FOCAD: variants seen among roughly 807,000 people sequenced by gnomAD.
FOCAD encodes the protein KIAA1797.
FOCAD carries 198 observed loss-of-function variants against 225.6 expected under a neutral mutation model. The observed-to-expected ratio is 0.88, with a 90% confidence interval of 0.78 to 0.99. The LOEUF (loss-of-function observed/expected upper bound fraction) is 0.99. Among genes scored for constraint, FOCAD ranks in the 50% least tolerant of loss-of-function variants. The pLI is 0.00. For missense variants in FOCAD, 2,713 were observed against 2,123.6 expected, an observed-to-expected ratio of 1.28 and a Z score of -5.46; for synonymous variants, 897 against 755.0, an observed-to-expected ratio of 1.19 and a Z score of -3.08.
At position 20,691,802 on chromosome 9, in the gene FOCAD, C is replaced by G. The variant is rs549718399; in HGVS notation, c.-33+7509C>G. Among the ~76,000 whole-genome samples, 28 of 151,636 alleles carry G rather than the reference C, an allele frequency of 1.8e-4. 1 individual carries two copies. The highest frequency in any genetic ancestry group is 6.5e-4 in the African/African-American group (27 of 41,256). On this transcript the variant is annotated intron_variant, in intron 1 of 43. Coordinates refer to ENST00000338382, the MANE Select transcript of FOCAD (RefSeq NM_001375567.1). The stretch of plus-strand genomic sequence containing the variant: ...GCCAATTTATTTTTTGAGATGGAGT[C>G]TCCCTCTGTCACCCAGGCTGGAGTG...
intron 5 of FOCAD, among the ~76,000 whole-genome samples, chr9:20,741,539 A>G (rs1475459579): frequency 6.6e-6 from 1 of 152,148 alleles, no homozygotes; most frequent in Non-Finnish European, 1.5e-5. Flanking sequence ...AATATCTTCA[A>G]ACATACAAGT....
At position 20,711,711 on chromosome 9, in the gene FOCAD, A is replaced by G. The variant is rs1032465832; in HGVS notation, c.-32-3611A>G. Among the ~76,000 whole-genome samples, 5 of 152,190 alleles carry G rather than the reference A, an allele frequency of 3.3e-5. No homozygotes were observed. The East Asian group carries it at 5.8e-4, about 18-fold the overall frequency. On this transcript the variant is annotated intron_variant, in intron 1 of 43. Coordinates refer to ENST00000338382, the MANE Select transcript of FOCAD (RefSeq NM_001375567.1). Reference sequence around the variant, plus strand: ...TGAAGTGACAGTTTTTTGAAAGGAAATATGTGTTTTGTTTTTGATGTCCCT... The same window carrying G: ...TGAAGTGACAGTTTTTTGAAAGGAAGTATGTGTTTTGTTTTTGATGTCCCT...
chr9:20,885,113 T>C lies in FOCAD; in HGVS notation c.2508T>C (p.Gly836=). 1 of 1,444,342 alleles carries C rather than the reference T, an allele frequency of 6.9e-7. No homozygotes were observed. The highest frequency in any genetic ancestry group is 9.2e-7 in the Non-Finnish European group (1 of 1,092,362). 89.5% of individuals were successfully genotyped at this position (1,444,342 alleles called of 1,614,324 possible). A position where few individuals can be genotyped will look rare whatever the true frequency, so the allele number is the denominator to read the frequency against. ...QPGLKPGLAG[G]MLFCYDVSMY... Reference sequence around the variant, plus strand: ...TCTATATAATTTTTTTTAAAGGTGGTATGTTATTTTGCTATGATGTTTCCA... The same window carrying C: ...TCTATATAATTTTTTTTAAAGGTGGCATGTTATTTTGCTATGATGTTTCCA... The change falls in exon 21 of 44, where the codon GGT becomes GGC. Residue 836 remains glycine, a synonymous_variant. Transcript: ENST00000338382.
At chr9:20,698,974 A>G (rs1470951806) in intron 1 of FOCAD, among the ~76,000 whole-genome samples, 1 of 152,204 alleles carries the variant, frequency 6.6e-6, no homozygotes, top group Non-Finnish European at 1.5e-5. Context: ...AGATAGTAAG[A>G]TCAAATGCTC....
intron 11 of FOCAD, among the ~76,000 whole-genome samples, chr9:20,813,441 A>G (rs917132032): frequency 2.5e-4 from 38 of 152,182 alleles, no homozygotes; most frequent in African/African-American, 8.7e-4. Flanking sequence ...GCTGTTACCC[A>G]TAGTGGCCAC....
At chr9:20,672,092 C>G (rs1405847929) in intron 2 of FOCAD, among the ~76,000 whole-genome samples, 1 of 151,932 alleles carries the variant, frequency 6.6e-6, no homozygotes, top group East Asian at 1.9e-4. Context: ...GAACCATACT[C>G]TACTTTTGTG....
chr9:20,935,980 G>A (rs1376948264), intron 28 of FOCAD, among the ~76,000 whole-genome samples: 2 of 152,230 alleles, frequency 1.3e-5, no homozygotes, highest in East Asian at 1.9e-4. Flanking sequence ...ATCAAAAAAA[G>A]AATTAAACAC....
intron 5 of FOCAD, among the ~76,000 whole-genome samples, chr9:20,748,279 A>G (rs189504615): frequency 6.6e-6 from 1 of 152,218 alleles, no homozygotes; most frequent in African/African-American, 2.4e-5. Context: ...GACAGAACAT[A>G]TCATATAACT....
chr9:20,878,477 T>A (rs1830408074), intron 19 of FOCAD, among the ~76,000 whole-genome samples: 1 of 152,184 alleles, frequency 6.6e-6, no homozygotes, highest in Admixed American at 6.5e-5. Flanking sequence ...TAATTAACTT[T>A]CGAACTTCTT....
intron 4 of FOCAD, among the ~76,000 whole-genome samples, chr9:20,727,482 T>A (rs1197635884): frequency 2.0e-5 from 3 of 152,204 alleles, no homozygotes; most frequent in African/African-American, 7.2e-5. Flanking sequence ...TGCACAGAAC[T>A]TTGTTAGGCA....
At chr9:20,837,583 A>C (rs1293301157) in intron 15 of FOCAD, among the ~76,000 whole-genome samples, 1 of 151,820 alleles carries the variant, frequency 6.6e-6, no homozygotes, top group East Asian at 1.9e-4. Flanking sequence ...GGGGACAGGG[A>C]GTGTAGAGAC....
chr9:20,866,917 T>TTTTAAAAAAAA lies in FOCAD; in HGVS notation c.2107-12_2107-11insTTTAAAAAAAA. On this transcript the variant is annotated splice_polypyrimidine_tract_variant and intron_variant, in intron 17 of 43. Transcript: ENST00000338382. ...TTTTTTTTTTTTTTTTTTTTTTTTT[T>TTTTAAAAAAAA]ACCCTATCTAGGACCCAATTGTAGC... The TTTTAAAAAAAA allele has an allele frequency of 1.3e-6, 1 of 764,968 alleles. No homozygotes were observed. The highest frequency in any genetic ancestry group is 2.0e-6 in the Non-Finnish European group (1 of 498,464). 47.4% of individuals were successfully genotyped at this position (764,968 alleles called of 1,614,324 possible). A position where few individuals can be genotyped will look rare whatever the true frequency, so the allele number is the denominator to read the frequency against.
intron 19 of FOCAD, among the ~76,000 whole-genome samples, chr9:20,879,809 G>C (rs1830520042): frequency 6.6e-6 from 1 of 152,150 alleles, no homozygotes; most frequent in African/African-American, 2.4e-5. Context: ...TAATCCCTGG[G>C]CTGGTGTTAG....
intron 4 of FOCAD, among the ~76,000 whole-genome samples, chr9:20,733,241 CTG>C (rs1207238177): frequency 6.6e-6 from 1 of 152,110 alleles, no homozygotes; most frequent in Non-Finnish European, 1.5e-5. Flanking sequence ...GTTTTTGTGT[CTG>C]TGCTAAACTG....
Position 20,819,805 on chromosome 9 carries a change from C to G in FOCAD, c.1465C>G (p.Leu489Val). The part of the protein sequence containing the change: ...AQADSSQVPN[L>V]IPVLMFKLGR... ...TAAAAATTCATTTTAGGTGCCAAAT[C>G]TGATTCCAGTTTTGATGTTCAAATT... is the stretch of plus-strand genomic sequence containing the variant. The change falls in exon 12 of 44, where the codon CTG becomes GTG. Residue 489 changes from leucine to valine, a missense_variant. Physicochemically the swap from Leu to Val is conservative, Grantham distance 32 (BLOSUM62 1). Transcript: ENST00000338382. The G allele has an allele frequency of 6.5e-7, 1 of 1,530,684 alleles. No individual in the cohort carries two copies. Among genetic ancestry groups the G allele is most frequent in the Non-Finnish European group, 8.8e-7 (1 of 1,140,950 alleles). The allele number at this position is 1,530,684 out of a possible 1,614,324, so 94.8% of individuals were successfully genotyped here. A position where few individuals can be genotyped will look rare whatever the true frequency, so the allele number is the denominator to read the frequency against.
chr9:20,701,580 G>A (rs975370140), intron 1 of FOCAD, among the ~76,000 whole-genome samples: 2 of 152,196 alleles, frequency 1.3e-5, no homozygotes, highest in Admixed American at 1.3e-4. Flanking sequence ...GACAATTGTC[G>A]TGATGGAAGT....
chr9:20,910,912 C>T (rs181467500), intron 22 of FOCAD, among the ~76,000 whole-genome samples: 3 of 152,158 alleles, frequency 2.0e-5, no homozygotes, highest in South Asian at 2.1e-4. Context: ...ATAGAATGGT[C>T]GTGCTGATTT....
chr9:20,905,117 C>G (rs1476692972), intron 21 of FOCAD, among the ~76,000 whole-genome samples: 2 of 151,936 alleles, frequency 1.3e-5, no homozygotes, highest in African/African-American at 2.4e-5. Flanking sequence ...GATTTGTGCA[C>G]AGCTGACTCC....
chr9:20,979,335 C>T (rs1463228738), intron 37 of FOCAD, among the ~76,000 whole-genome samples: 1 of 152,004 alleles, frequency 6.6e-6, no homozygotes, highest in Non-Finnish European at 1.5e-5. Context: ...AGCCTTGTTT[C>T]TGTTTTTTTG....
Sources: gnomAD v4.1 joint callset for allele counts (sites outside exome capture counted in the v4.1 genomes callset) on GRCh38, gnomAD v4.1.1 for gene constraint, MANE v1.5 for transcripts, NCBI Gene and HGNC (gene_info 2026-07-23, HGNC 2026-07-21) for gene names.